The following GULP1 variants were observed in gnomAD, a reference collection of about 807,000 sequenced individuals.
GULP1 encodes GULP PTB domain containing engulfment adaptor 1.
In GULP1, 19 loss-of-function variants were observed where a neutral mutation model predicts 40.9. That is an observed-to-expected ratio of 0.46 (90% CI 0.32 to 0.68). The LOEUF (loss-of-function observed/expected upper bound fraction) is 0.68, where lower values mean the gene tolerates loss of function less well. Among genes scored for constraint, GULP1 ranks in the 30% least tolerant of loss-of-function variants. The probability of loss-of-function intolerance (pLI) is 0.03; values close to 1 mark genes in which losing one functional copy is unlikely to be tolerated. For missense variants in GULP1, 312 were observed against 362.2 expected, an observed-to-expected ratio of 0.86 and a Z score of 1.12; for synonymous variants, 119 against 117.6, an observed-to-expected ratio of 1.01 and a Z score of -0.08.
intron 1 of GULP1, among the ~76,000 whole-genome samples, chr2:188,346,241 G>A (rs1445104729): frequency 6.6e-6 from 1 of 152,132 alleles, no homozygotes; most frequent in African/African-American, 2.4e-5. Flanking sequence ...GTAATGATCA[G>A]TTGTATTATA....
chr2:188,496,545 A>G (rs2062914683), intron 4 of GULP1, among the ~76,000 whole-genome samples: 1 of 152,040 alleles, frequency 6.6e-6, no homozygotes, highest in Non-Finnish European at 1.5e-5. Flanking sequence ...CAGAAGAAAC[A>G]TGTCAATAAA....
At chr2:188,360,318 C>T (rs760386918) in intron 1 of GULP1, among the ~76,000 whole-genome samples, 1 of 152,118 alleles carries the variant, frequency 6.6e-6, no homozygotes, top group Non-Finnish European at 1.5e-5. Flanking sequence ...AAGTCTATAG[C>T]TACCTACTGT....
At chr2:188,523,235 T>A (rs1685296917) in intron 5 of GULP1, among the ~76,000 whole-genome samples, 1 of 152,078 alleles carries the variant, frequency 6.6e-6, no homozygotes, top group African/African-American at 2.4e-5. Context: ...GGAGTCAGAG[T>A]TGATTCCAGC....
intron 4 of GULP1, among the ~76,000 whole-genome samples, chr2:188,507,532 T>C (rs904641401): frequency 2.0e-5 from 3 of 151,650 alleles, no homozygotes; most frequent in Admixed American, 1.3e-4. Flanking sequence ...ATTATAATGC[T>C]ATGTTCTTGC....
At chr2:188,314,901 C>T (rs1158392243) in intron 1 of GULP1, among the ~76,000 whole-genome samples, 1 of 152,130 alleles carries the variant, frequency 6.6e-6, no homozygotes, top group African/African-American at 2.4e-5. Flanking sequence ...GCTCCCCACC[C>T]ATTAGTCACT....
At chr2:188,575,057 G>T (rs1699897272) in intron 9 of GULP1, among the ~76,000 whole-genome samples, 2 of 152,068 alleles carry the variant, frequency 1.3e-5, no homozygotes, top group African/African-American at 4.8e-5. Flanking sequence ...ATTTTGAATT[G>T]CAAACTAAAT....
intron 2 of GULP1, among the ~76,000 whole-genome samples, chr2:188,399,853 A>G (rs2051942129): frequency 6.6e-6 from 1 of 152,174 alleles, no homozygotes; most frequent in South Asian, 2.1e-4. Flanking sequence ...TCTTGTGTAC[A>G]TACTTGTATT....
intron 11 of GULP1, chr2:188,589,692 A>G: frequency 8.9e-7 from 1 of 1,124,314 alleles, no homozygotes; most frequent in South Asian, 1.8e-5. Flanking sequence ...TGTTTCTAAT[A>G]TTTTCTTAAT....
intron 3 of GULP1, among the ~76,000 whole-genome samples, chr2:188,482,269 C>T (rs1425473062): frequency 6.6e-6 from 1 of 151,790 alleles, no homozygotes; most frequent in Non-Finnish European, 1.5e-5. Flanking sequence ...TTCTCTATGT[C>T]TTCACATTAA....
At chr2:188,417,080 T>C (rs949056305) in intron 2 of GULP1, among the ~76,000 whole-genome samples, 13 of 152,318 alleles carry the variant, frequency 8.5e-5, no homozygotes, top group Non-Finnish European at 1.8e-4. Context: ...CATCAAAATA[T>C]ATTTAACCTT....
chr2:188,562,877 C>T (rs1204636272), intron 7 of GULP1, among the ~76,000 whole-genome samples: 1 of 152,072 alleles, frequency 6.6e-6, no homozygotes, highest in Non-Finnish European at 1.5e-5. Flanking sequence ...ATTTGGCCCA[C>T]ATATTTAGAG....
intron 2 of GULP1, among the ~76,000 whole-genome samples, chr2:188,449,434 A>G (rs1439737868): frequency 1.3e-5 from 2 of 152,092 alleles, no homozygotes; most frequent in African/African-American, 2.4e-5. Flanking sequence ...TGCAACCCCA[A>G]TACATCTATT....
chr2:188,439,747 T>C (rs574156663), intron 2 of GULP1, among the ~76,000 whole-genome samples: 30 of 152,144 alleles, frequency 2.0e-4, no homozygotes, highest in Non-Finnish European at 4.1e-4. Flanking sequence ...TTTATCTTTC[T>C]ATATCTCTCT....
intron 4 of GULP1, 23 bp from the exon 5 acceptor site, chr2:188,522,733 G>C: frequency 6.7e-7 from 1 of 1,502,118 alleles, no homozygotes; most frequent in Non-Finnish European, 9.3e-7. Context: ...AAAAGCCTGT[G>C]TCTCACAAAT....
At chr2:188,555,259 G>C (rs1388301927) in intron 7 of GULP1, among the ~76,000 whole-genome samples, 1 of 152,112 alleles carries the variant, frequency 6.6e-6, no homozygotes, top group Non-Finnish European at 1.5e-5. Flanking sequence ...GATGTCTGTA[G>C]TGGTACACTT....
intron 1 of GULP1, among the ~76,000 whole-genome samples, chr2:188,349,520 A>G (rs1447763929): frequency 6.6e-6 from 1 of 152,132 alleles, no homozygotes; most frequent in African/African-American, 2.4e-5. Flanking sequence ...TCATGTGCTT[A>G]TTAATCATCT....
At chr2:188,524,776 T>A (rs1685741676) in intron 5 of GULP1, among the ~76,000 whole-genome samples, 1 of 151,732 alleles carries the variant, frequency 6.6e-6, no homozygotes, top group Admixed American at 6.6e-5. Flanking sequence ...TGATCATACT[T>A]ACACATCTCC....
chr2:188,305,105 G>T (rs530014990), intron 1 of GULP1, among the ~76,000 whole-genome samples: 1 of 152,166 alleles, frequency 6.6e-6, no homozygotes, highest in African/African-American at 2.4e-5. Context: ...GAGTTCCCAC[G>T]ATCCCCTCTT....
chr2:188,475,903 T>C (rs2060971831), intron 2 of GULP1, among the ~76,000 whole-genome samples: 1 of 152,076 alleles, frequency 6.6e-6, no homozygotes, highest in Non-Finnish European at 1.5e-5. Flanking sequence ...AGAAGTACAG[T>C]AATTGAAAAT....
Sources: gnomAD v4.1 joint callset for allele counts (sites outside exome capture counted in the v4.1 genomes callset) on GRCh38, gnomAD v4.1.1 for gene constraint, MANE v1.5 for transcripts, NCBI Gene and HGNC (gene_info 2026-07-23, HGNC 2026-07-21) for gene names.